Variants in AFF2 observed in about 807,000 individuals in gnomAD.
AFF2 encodes the protein AF4/FMR2 family member 2.
Under a neutral mutation model 76.9 loss-of-function variants are expected in AFF2, and 14 were observed. That is an observed-to-expected ratio of 0.18 (90% CI 0.12 to 0.28). The LOEUF (loss-of-function observed/expected upper bound fraction) is 0.28, where lower values mean the gene tolerates loss of function less well. Ranked by LOEUF, AFF2 falls within the 10% of genes least tolerant of loss-of-function variation. AFF2 has a pLI of 1.00. For missense variants in AFF2, 868 were observed against 1,001.1 expected, an observed-to-expected ratio of 0.87 and a Z score of 1.79; for synonymous variants, 398 against 366.7, an observed-to-expected ratio of 1.09 and a Z score of -0.98.
chrX:148,714,460 C>G (rs936426521), intron 3 of AFF2, among the ~76,000 whole-genome samples: 2 of 111,295 alleles, frequency 1.8e-5, no homozygotes, highest in African/African-American at 6.5e-5. Flanking sequence ...CTCTGAAACT[C>G]AAGGCTGACC....
Position 148,962,891 on chromosome X carries a change from G to T in AFF2, c.2867G>T (p.Arg956Ile). 5.0e-6 allele frequency: 6 copies of T among 1,207,494 alleles called. No individual in the cohort carries two copies. Among genetic ancestry groups the T allele is most frequent in the Middle Eastern group, 4.6e-4 (2 of 4,342 alleles). Reference protein sequence around the residue: ...TGQITSTKPKRTEGKFCATFK... With the variant: ...TGQITSTKPKITEGKFCATFK... ...CAAATCACATCTACCAAACCTAAGA[G>T]AACTGAAGGCAAATTCTGTGCTACT... Residue 956 changes from arginine (R) to isoleucine (I), a missense_variant, in exon 13 of 21, where the codon AGA becomes ATA. Arg to Ile is a moderately conservative substitution (Grantham distance 97, BLOSUM62 -3). Transcript: ENST00000370460.
At chrX:148,656,531 G>A (rs1366274577) in intron 2 of AFF2, among the ~76,000 whole-genome samples, 2 of 80,788 alleles carry the variant, frequency 2.5e-5, no homozygotes, top group Non-Finnish European at 4.5e-5. Flanking sequence ...ACGGAGTCTC[G>A]CTCTGTCGCC....
At chrX:148,633,356 A>G (rs1264168663) in intron 1 of AFF2, among the ~76,000 whole-genome samples, 1 of 111,657 alleles carries the variant, frequency 9.0e-6, no homozygotes, top group African/African-American at 3.3e-5. Flanking sequence ...GGACAGTTTA[A>G]CTGCATGACT....
intron 7 of AFF2, among the ~76,000 whole-genome samples, chrX:148,851,074 G>T (rs992387037): frequency 8.9e-6 from 1 of 112,365 alleles, no homozygotes; most frequent in African/African-American, 3.2e-5. Flanking sequence ...TATTCATTTT[G>T]TTTTTCCCTC....
At chrX:148,652,458 T>C (rs1310667388) in intron 2 of AFF2, among the ~76,000 whole-genome samples, 1 of 111,744 alleles carries the variant, frequency 8.9e-6, no homozygotes, top group East Asian at 2.8e-4. Flanking sequence ...AGTAGGCAGC[T>C]CCTGAAGACT....
At chrX:148,920,794 G>C (rs1435792006) in intron 9 of AFF2, among the ~76,000 whole-genome samples, 2 of 111,163 alleles carry the variant, frequency 1.8e-5, no homozygotes, top group African/African-American at 6.6e-5. Context: ...TAGCTTATTT[G>C]ACCCTAGAAG....
chrX:148,981,691 A>G (rs1412889779), intron 19 of AFF2, among the ~76,000 whole-genome samples: 1 of 111,940 alleles, frequency 8.9e-6, no homozygotes, highest in Non-Finnish European at 1.9e-5. Context: ...GTGGACATAG[A>G]CCGCTTTATA....
intron 7 of AFF2, among the ~76,000 whole-genome samples, chrX:148,864,064 A>G (rs1388697929): frequency 9.0e-6 from 1 of 111,403 alleles, no homozygotes; most frequent in Non-Finnish European, 1.9e-5. Flanking sequence ...CTGCGTGTTC[A>G]TTGGTAAGCC....
intron 7 of AFF2, among the ~76,000 whole-genome samples, chrX:148,849,699 T>G (rs890589010): frequency 9.0e-6 from 1 of 111,279 alleles, no homozygotes; most frequent in African/African-American, 3.3e-5. Flanking sequence ...TCCCATGGGT[T>G]TCATCATCAT....
chrX:148,708,129 C>G (rs1557262541), intron 3 of AFF2, among the ~76,000 whole-genome samples: 1 of 111,974 alleles, frequency 8.9e-6, no homozygotes. Context: ...AATGCTTGCT[C>G]ACTCATTGTT....
chrX:148,818,820 A>T (rs1030514441), intron 4 of AFF2, among the ~76,000 whole-genome samples: 5 of 111,001 alleles, frequency 4.5e-5, no homozygotes, highest in African/African-American at 1.6e-4. Context: ...CAATCTGTAG[A>T]TTATATAATT....
At chrX:148,701,011 AATGTGTGT>A (rs1349739601) in intron 3 of AFF2, among the ~76,000 whole-genome samples, 14 of 61,157 alleles carry the variant, frequency 2.3e-4, no homozygotes, top group African/African-American at 6.9e-4. Context: ...AGAGAGAGAG[AATGTGTGT>A]GTGTGTGTGT....
intron 8 of AFF2, among the ~76,000 whole-genome samples, chrX:148,892,454 T>C (rs2071234340): frequency 9.0e-6 from 1 of 111,173 alleles, no homozygotes; most frequent in African/African-American, 3.3e-5. Flanking sequence ...TGTTTGGTGG[T>C]GGTCATGGTC....
At chrX:148,804,551 G>A (rs1374508981) in intron 3 of AFF2, among the ~76,000 whole-genome samples, 7 of 112,261 alleles carry the variant, frequency 6.2e-5, no homozygotes, top group Non-Finnish European at 1.1e-4. Context: ...CTTTTCTGGT[G>A]CATATTACCT....
At chrX:148,890,459 T>C (rs889394874) in intron 8 of AFF2, among the ~76,000 whole-genome samples, 4 of 112,241 alleles carry the variant, frequency 3.6e-5, no homozygotes, top group African/African-American at 1.3e-4. Flanking sequence ...TTAGGATCCA[T>C]AGGGAAATAG....
At chrX:148,737,318 T>A (rs1299195910) in intron 3 of AFF2, among the ~76,000 whole-genome samples, 1 of 111,715 alleles carries the variant, frequency 9.0e-6, no homozygotes, top group African/African-American at 3.3e-5. Flanking sequence ...GTTTTCCTTG[T>A]AGATGTTTTT....
intron 3 of AFF2, among the ~76,000 whole-genome samples, chrX:148,743,760 G>A (rs918922736): frequency 9.0e-6 from 1 of 111,097 alleles, no homozygotes; most frequent in Non-Finnish European, 1.9e-5. Flanking sequence ...GGACTCCATT[G>A]GGTGGTCAGA....
intron 9 of AFF2, 71 bp downstream of exon 9, chrX:148,904,329 A>G: frequency 1.6e-6 from 1 of 643,277 alleles, no homozygotes; most frequent in Non-Finnish European, 2.5e-6. Flanking sequence ...AAATAAGGTC[A>G]TAAAAGAGAC....
intron 3 of AFF2, among the ~76,000 whole-genome samples, chrX:148,800,147 C>T (rs782049196): frequency 1.3e-4 from 15 of 111,734 alleles, no homozygotes; most frequent in Non-Finnish European, 2.3e-4. Context: ...GGGGAGCTGG[C>T]GAGGATTCAG....
Sources: allele counts gnomAD v4.1 joint callset (sites outside exome capture counted in the v4.1 genomes callset), GRCh38; gene constraint gnomAD v4.1.1; transcripts MANE v1.5; gene names NCBI Gene and HGNC (gene_info 2026-07-23, HGNC 2026-07-21).